Variants in KCNK2 observed in about 807,000 individuals in gnomAD.
The protein encoded by KCNK2 is potassium channel subfamily K member 2.
KCNK2 carries 21 observed loss-of-function variants against 40.5 expected under a neutral mutation model. The observed-to-expected ratio is 0.52, with a 90% CI of 0.37 to 0.75. The LOEUF is 0.75. KCNK2 is among the 30% of genes least tolerant of loss of function. The pLI is 0.00. For synonymous variants in KCNK2, 191 were observed against 202.2 expected (o/e 0.94, Z 0.47); for missense variants, 399 against 531.6 (o/e 0.75, Z 2.45).
chr1:215,163,742 A>C (rs2102627564), intron 3 of KCNK2, among the ~76,000 whole-genome samples: 1 of 152,234 alleles, frequency 6.6e-6, no homozygotes, highest in South Asian at 2.1e-4. Context: ...CGTATGTTGA[A>C]CCAGACTTGC....
chr1:215,076,056 C>A (rs1043820336), intron 1 of KCNK2, among the ~76,000 whole-genome samples: 1 of 152,218 alleles, frequency 6.6e-6, no homozygotes, highest in East Asian at 1.9e-4. Context: ...AATGCTTGTA[C>A]GGACATTGCT....
chr1:215,131,126 C>T (rs892033258), intron 3 of KCNK2, among the ~76,000 whole-genome samples: 1 of 151,466 alleles, frequency 6.6e-6, no homozygotes, highest in African/African-American at 2.4e-5. Flanking sequence ...TCCCAAAGTG[C>T]TGGGATTACA....
chr1:215,209,988 A>T (rs796166308), intron 6 of KCNK2, among the ~76,000 whole-genome samples: 302 of 4,134 alleles, frequency 0.073, 6 homozygotes, highest in Middle Eastern at 0.5. Context: ...TATTATATAT[A>T]ATATATAATA....
intron 3 of KCNK2, among the ~76,000 whole-genome samples, chr1:215,159,546 A>G (rs1038303154): frequency 1.4e-4 from 22 of 152,206 alleles, no homozygotes; most frequent in African/African-American, 4.8e-4. Flanking sequence ...TTTTTAAAGA[A>G]GAATATCCTT....
intron 3 of KCNK2, among the ~76,000 whole-genome samples, chr1:215,146,158 G>A (rs537600343): frequency 1.3e-5 from 2 of 152,276 alleles, no homozygotes; most frequent in South Asian, 4.1e-4. Flanking sequence ...TATGAGAACA[G>A]CATGCATTTC....
chr1:215,115,877 C>T (rs962680335), intron 2 of KCNK2, among the ~76,000 whole-genome samples: 1 of 151,768 alleles, frequency 6.6e-6, no homozygotes, highest in Non-Finnish European at 1.5e-5. Flanking sequence ...AAAATGCACA[C>T]CAGGGAAATG....
intron 2 of KCNK2, among the ~76,000 whole-genome samples, chr1:215,120,129 A>C (rs1364423998): frequency 6.6e-6 from 1 of 152,208 alleles, no homozygotes; most frequent in East Asian, 1.9e-4. Flanking sequence ...TTTACAACCC[A>C]CATGTTGCCA....
chr1:215,194,900 T>A, intron 5 of KCNK2, 53 bp from the exon 6 acceptor site: 1 of 1,567,998 alleles, frequency 6.4e-7, no homozygotes, highest in South Asian at 1.1e-5. Flanking sequence ...ATACCTAGAT[T>A]GTTTACTTTT....
intron 1 of KCNK2, 101 bp from the exon 2 acceptor site, chr1:215,086,267 G>A (rs1260969558): frequency 2.2e-6 from 2 of 925,788 alleles, no homozygotes; most frequent in East Asian, 2.4e-5. Flanking sequence ...CTAGGAGAGC[G>A]AGCGGAATTC....
chr1:215,103,731 GT>G, intron 2 of KCNK2, among the ~76,000 whole-genome samples: 1 of 152,092 alleles, frequency 6.6e-6, no homozygotes, highest in Non-Finnish European at 1.5e-5. Flanking sequence ...CAGCTGTACT[GT>G]GCTATTATGC....
intron 3 of KCNK2, among the ~76,000 whole-genome samples, chr1:215,153,697 C>G (rs185979170): frequency 3.0e-4 from 45 of 151,902 alleles, no homozygotes; most frequent in Non-Finnish European, 5.6e-4. Context: ...ATACGTGTGC[C>G]ATGGTGGTTT....
intron 1 of KCNK2, among the ~76,000 whole-genome samples, chr1:215,039,224 C>T (rs1465340640): frequency 6.6e-6 from 1 of 152,076 alleles, no homozygotes; most frequent in Non-Finnish European, 1.5e-5. Context: ...CCTGATTGGT[C>T]TTTAACCTTT....
At chr1:215,012,012 T>C (rs1656415981) in intron 1 of KCNK2, among the ~76,000 whole-genome samples, 1 of 152,184 alleles carries the variant, frequency 6.6e-6, no homozygotes, top group African/African-American at 2.4e-5. Context: ...CTGAGAAGTA[T>C]TTTGTTGTAC....
At chr1:215,156,408 A>T (rs1361790123) in intron 3 of KCNK2, among the ~76,000 whole-genome samples, 2 of 152,116 alleles carry the variant, frequency 1.3e-5, no homozygotes, top group East Asian at 3.9e-4. Flanking sequence ...TCTGTGTGAT[A>T]TACTCATCTA....
chr1:215,234,447 T>C (rs1395114928), intron 6 of KCNK2, among the ~76,000 whole-genome samples: 2 of 152,220 alleles, frequency 1.3e-5, no homozygotes, highest in African/African-American at 4.8e-5. Flanking sequence ...CCTTTGTACA[T>C]TCCAATACTT....
chr1:215,102,668 T>G (rs1262231599), intron 2 of KCNK2, among the ~76,000 whole-genome samples: 2 of 151,884 alleles, frequency 1.3e-5, no homozygotes, highest in Non-Finnish European at 2.9e-5. Flanking sequence ...CTTTCAGTCC[T>G]GCAAACTCCA....
intron 2 of KCNK2, among the ~76,000 whole-genome samples, chr1:215,112,090 C>T (rs1660709683): frequency 6.6e-6 from 1 of 151,948 alleles, no homozygotes; most frequent in East Asian, 1.9e-4. Context: ...CAGTGGCTCC[C>T]AGACTTCTAG....
Position 215,178,922 on chromosome 1 carries a change from G to A in KCNK2, c.823+6739G>A, listed in dbSNP as rs566602709. Among the ~76,000 whole-genome samples the A allele has an allele frequency of 3.9e-5, 6 of 152,072 alleles. No individual in the cohort carries two copies. In the South Asian group the frequency reaches 1.2e-3, roughly 32 times the overall value. On this transcript the variant is annotated intron_variant, in intron 5 of 6. Transcript: ENST00000444842. ...TTTGGAAAGAGTTTTAGTAGGATTTGTACCAGCTCTTCTTTGTACATCTGG... is the reference window on the plus strand; with the variant it reads ...TTTGGAAAGAGTTTTAGTAGGATTTATACCAGCTCTTCTTTGTACATCTGG...
At chr1:215,043,058 G>A (rs1476549899) in intron 1 of KCNK2, among the ~76,000 whole-genome samples, 1 of 152,110 alleles carries the variant, frequency 6.6e-6, no homozygotes, top group Admixed American at 6.5e-5. Context: ...ACCAGTATGT[G>A]CCCTCACAGG....
Sources: gnomAD v4.1 joint callset for allele counts (sites outside exome capture counted in the v4.1 genomes callset) on GRCh38, gnomAD v4.1.1 for gene constraint, MANE v1.5 for transcripts, NCBI Gene and HGNC (gene_info 2026-07-23, HGNC 2026-07-21) for gene names.